Variants in EPS8L3 observed in about 807,000 individuals in gnomAD.
EPS8L3 encodes the protein epidermal growth factor receptor kinase substrate 8-like protein 3.
EPS8L3 carries 80 observed loss-of-function variants against 88.5 expected under a neutral mutation model. The ratio of observed to expected loss-of-function variants is 0.90; its 90% CI spans 0.75 to 1.09. EPS8L3 has a LOEUF of 1.09. Ranked by LOEUF, EPS8L3 falls within the 50% of genes least tolerant of loss-of-function variation. The pLI is 0.00. For missense variants in EPS8L3, 721 were observed against 735.2 expected (o/e 0.98, Z 0.22); for synonymous variants, 286 against 291.0 (o/e 0.98, Z 0.18).
In EPS8L3 at chr1:109,752,084, C is replaced by T; in HGVS notation, c.1345G>A (p.Ala449Thr). 2 of 1,614,090 alleles carry T rather than the reference C, an allele frequency of 1.2e-6. No individual in the cohort carries two copies. The highest frequency in any genetic ancestry group is 1.7e-6 in the Non-Finnish European group (2 of 1,180,016). The change falls in exon 15 of 19, where the codon GCC becomes ACC. Residue 449 changes from alanine to threonine, a missense_variant. Ala to Thr is a moderately conservative substitution (Grantham distance 58, BLOSUM62 0). Coordinates refer to ENST00000361965, the MANE Select transcript of EPS8L3 (RefSeq NM_133181.4). ...ACTTGCATTTTCAGGGCTGGCTGGG[C>T]AGGTTTGGGGCTGGAGGGCCTGGAG... Reference protein sequence around the residue: ...PNSRPSSPKPAQPALKMQVLY... With the variant: ...PNSRPSSPKPTQPALKMQVLY...
At chr1:109,761,681 G>T (rs774656911) in intron 2 of EPS8L3, 38 bp downstream of exon 2, 2 of 1,613,404 alleles carry the variant, frequency 1.2e-6, no homozygotes, top group South Asian at 2.2e-5. Context: ...TGGGGGCTCA[G>T]TGGGAGGGCA....
At chr1:109,756,302 G>A (rs1411121889) in intron 12 of EPS8L3, among the ~76,000 whole-genome samples, 2 of 152,180 alleles carry the variant, frequency 1.3e-5, no homozygotes, top group Admixed American at 6.5e-5. Context: ...GCAGTGGGGC[G>A]ATCTCAGCTC....
intron 15 of EPS8L3, 82 bp from the exon 16 acceptor site, chr1:109,751,864 T>A (rs555425507): frequency 6.3e-7 from 1 of 1,592,486 alleles, no homozygotes; most frequent in Non-Finnish European, 8.6e-7. Context: ...TCCCTCCAGC[T>A]CTTTCCTACC....
In EPS8L3 at chr1:109,759,378, C is replaced by A; in HGVS notation, c.265G>T (p.Asp89Tyr). 6.2e-7 allele frequency: 1 copy of A among 1,613,836 alleles called. No individual in the cohort carries two copies. The highest frequency in any genetic ancestry group is 1.1e-5 in the South Asian group (1 of 91,030). The change falls in exon 5 of 19, where the codon GAC (aspartate) becomes TAC (tyrosine). Residue 89 changes from aspartate (D) to tyrosine (Y), a missense_variant. Physicochemically the swap from Asp to Tyr is radical, Grantham distance 160. Coordinates refer to ENST00000361965, the MANE Select transcript of EPS8L3 (RefSeq NM_133181.4). This position sits in a 1 kb window ranked among gnomAD's most constrained non-coding sequence, Gnocchi z 4.2. ...TGGATGCTGTCTAGGCGGTAAGAGTCCAGCTCCTCCTGGGCCAGGTGGAGA... is the reference window on the plus strand; with the variant it reads ...TGGATGCTGTCTAGGCGGTAAGAGTACAGCTCCTCCTGGGCCAGGTGGAGA... Reference protein sequence around the residue: ...LLDIETKEELDSYRLDSIQAM... With the variant: ...LLDIETKEELYSYRLDSIQAM...
rs1379858273 is a variant in EPS8L3, at chr1:109,751,693, C to CTG, written c.1522_1523dup (p.Gln508HisfsTer42). On this transcript the variant is annotated frameshift_variant, in exon 16 of 19. Coordinates refer to ENST00000361965, the MANE Select transcript of EPS8L3 (RefSeq NM_133181.4). LOFTEE classifies it high-confidence loss of function. ...GGCCCTGGGTCCCAGGGGTCCCCGG[C>CTG]TGTAGGGGCTCCAGGATGTTGCTTG... 1.4e-5 allele frequency: 22 copies of CTG among 1,614,012 alleles called. No homozygotes were observed. Among genetic ancestry groups the CTG allele is most frequent in the Non-Finnish European group, 1.9e-5 (22 of 1,179,984 alleles).
At position 109,757,565 on chromosome 1, in the gene EPS8L3, C is replaced by T; in HGVS notation, c.895-10G>A. The T allele has an allele frequency of 6.2e-7, 1 of 1,612,132 alleles. No individual in the cohort carries two copies. Among genetic ancestry groups the T allele is most frequent in the Non-Finnish European group, 8.5e-7 (1 of 1,178,580 alleles). On this transcript the variant is annotated splice_polypyrimidine_tract_variant and intron_variant, in intron 10 of 18. Transcript: ENST00000361965. Reference sequence around the variant, plus strand: ...AGGTGGCCAGCCTTCCCTGGGGACACAGAGCAATGCCTGTCACCACCCTTC... The same window carrying T: ...AGGTGGCCAGCCTTCCCTGGGGACATAGAGCAATGCCTGTCACCACCCTTC...
chr1:109,752,728 G>A lies in EPS8L3; in HGVS notation c.1201-8C>T, dbSNP rs1454971877. On this transcript the variant is annotated splice_region_variant and splice_polypyrimidine_tract_variant and intron_variant, in intron 13 of 18. Transcript: ENST00000361965. The stretch of plus-strand genomic sequence containing the variant: ...CTGGTATCCTAAGGGTGCCTGTAAG[G>A]GACAGAACAGAGAGTGAGTAAGAGC... 6.4e-7 allele frequency: 1 copy of A among 1,551,808 alleles called. No individual in the cohort carries two copies. Among genetic ancestry groups the A allele is most frequent in the East Asian group, 2.4e-5 (1 of 41,032 alleles).
chr1:109,760,196 C>G (rs1002214827), intron 3 of EPS8L3, among the ~76,000 whole-genome samples: 1 of 152,134 alleles, frequency 6.6e-6, no homozygotes, highest in Non-Finnish European at 1.5e-5. Context: ...ATACAGGACC[C>G]TCAGATTCTG....
rs1038346077 is a variant in EPS8L3, at chr1:109,750,090, A to G, written c.*301T>C. On this transcript the variant is annotated 3_prime_UTR_variant, in exon 19 of 19. Transcript: ENST00000361965. Reference sequence around the variant, plus strand: ...CGAGGGAGGCACATGACAAGCTTGAAGATGCTTTTATTGAGAAGGAGAGGG... The same window carrying G: ...CGAGGGAGGCACATGACAAGCTTGAGGATGCTTTTATTGAGAAGGAGAGGG... 4.4e-6 allele frequency: 2 copies of G among 449,776 alleles called. No homozygotes were observed. The highest frequency in any genetic ancestry group is 8.0e-6 in the Non-Finnish European group (2 of 251,410). 27.9% of individuals were successfully genotyped at this position (449,776 alleles called of 1,614,324 possible). A position where few individuals can be genotyped will look rare whatever the true frequency, so the allele number is the denominator to read the frequency against.
intron 16 of EPS8L3, 141 bp from the exon 17 acceptor site, chr1:109,751,492 C>T (rs1649788114): frequency 1.5e-6 from 2 of 1,365,058 alleles, no homozygotes; most frequent in Admixed American, 1.8e-5. Context: ...GGGAGCTGGT[C>T]TTGTTCTCTG....
rs1649803244 is a variant in EPS8L3, at chr1:109,751,675, G to A, written c.1542C>T (p.Thr514=). The change falls in exon 16 of 19, where the codon ACC becomes ACT. Residue 514 remains threonine (T), a synonymous_variant. Coordinates refer to ENST00000361965, the MANE Select transcript of EPS8L3 (RefSeq NM_133181.4). Reference sequence around the variant, plus strand: ...GTACCCGAGAGGGTGACTGGCCCTGGGTCCCAGGGGTCCCCGGCTGTAGGG... The same window carrying A: ...GTACCCGAGAGGGTGACTGGCCCTGAGTCCCAGGGGTCCCCGGCTGTAGGG... The part of the protein sequence containing the change: ...LEPLQPGTPG[T]QGQSPSRVPM... 1 of 1,613,976 alleles carries A rather than the reference G, an allele frequency of 6.2e-7. No individual in the cohort carries two copies. Among genetic ancestry groups the A allele is most frequent in the African/African-American group, 1.3e-5 (1 of 74,966 alleles).
intron 11 of EPS8L3, 34 bp downstream of exon 11, chr1:109,757,447 T>A: frequency 1.3e-6 from 2 of 1,595,454 alleles, no homozygotes; most frequent in Non-Finnish European, 1.7e-6. Context: ...CTTCAGCCTG[T>A]CCGTCTTCAC....
intron 15 of EPS8L3, 35 bp from the exon 16 acceptor site, chr1:109,751,817 C>G: frequency 6.2e-7 from 1 of 1,610,218 alleles, no homozygotes; most frequent in Non-Finnish European, 8.5e-7. Context: ...CCCTGAGCCT[C>G]TTTCCAGCCA....
chr1:109,751,473 G>C (rs1047632942), intron 16 of EPS8L3, 122 bp from the exon 17 acceptor site: 23 of 1,351,644 alleles, frequency 1.7e-5, no homozygotes, highest in South Asian at 2.5e-5. Flanking sequence ...GTGGCTTTCT[G>C]GTCTGGCAGG....
chr1:109,750,171 T>A lies in EPS8L3; in HGVS notation c.*220A>T. The A allele has an allele frequency of 3.4e-6, 2 of 596,996 alleles. No homozygotes were observed. The highest frequency in any genetic ancestry group is 2.1e-5 in the South Asian group (1 of 46,658). 37.0% of individuals were successfully genotyped at this position (596,996 alleles called of 1,614,324 possible). A position where few individuals can be genotyped will look rare whatever the true frequency, so the allele number is the denominator to read the frequency against. ...AAATGCTCCAGGTTTGGGAAAGAGGTAAAATAAATAGGTGGTTACTGGGGA... is the reference window on the plus strand; with the variant it reads ...AAATGCTCCAGGTTTGGGAAAGAGGAAAAATAAATAGGTGGTTACTGGGGA... On this transcript the variant is annotated 3_prime_UTR_variant, in exon 19 of 19. Coordinates refer to ENST00000361965, the MANE Select transcript of EPS8L3 (RefSeq NM_133181.4).
At position 109,751,729 on chromosome 1, in the gene EPS8L3, G is replaced by T; in HGVS notation, c.1488C>A (p.Ser496Arg). The T allele has an allele frequency of 6.2e-7, 1 of 1,613,676 alleles. No individual in the cohort carries two copies. Among genetic ancestry groups the T allele is most frequent in the Non-Finnish European group, 8.5e-7 (1 of 1,179,966 alleles). Reference protein sequence around the residue: ...WWLVKNEAGRSGYIPSNILEP... With the variant: ...WWLVKNEAGRRGYIPSNILEP... ...CCAGGATGTTGCTTGGAATGTAGCCGCTCCGTCCCGCCTCATTCTTCACCA... is the reference window on the plus strand; with the variant it reads ...CCAGGATGTTGCTTGGAATGTAGCCTCTCCGTCCCGCCTCATTCTTCACCA... The change falls in exon 16 of 19, where the codon AGC becomes AGA. Residue 496 changes from serine (S) to arginine (R), a missense_variant. Ser to Arg is a moderately radical substitution (Grantham distance 110). Transcript: ENST00000361965.
At chr1:109,753,055 G>A in intron 13 of EPS8L3, 62 bp downstream of exon 13, 1 of 1,420,550 alleles carries the variant, frequency 7.0e-7, no homozygotes, top group African/African-American at 1.4e-5. Context: ...TTTGGATGGG[G>A]AGGGCAGAAA....
intron 8 of EPS8L3, 50 bp from the exon 9 acceptor site, chr1:109,758,108 G>A (rs1288623103): frequency 1.3e-6 from 2 of 1,531,590 alleles, no homozygotes; most frequent in Non-Finnish European, 9.0e-7. Flanking sequence ...GGCCCACCCT[G>A]GAACTCCCCA....
Position 109,759,408 on chromosome 1 carries a change from A to C in EPS8L3, c.256-21T>G. 1 of 1,611,020 alleles carries C rather than the reference A, an allele frequency of 6.2e-7. No homozygotes were observed. Among genetic ancestry groups the C allele is most frequent in the Non-Finnish European group, 8.5e-7 (1 of 1,178,430 alleles). ...TCCTCCTGGGCCAGGTGGAGAGGTC[A>C]ACTGTGAGGCCACCAGAGCTAGGTG... On this transcript the variant is annotated intron_variant, in intron 4 of 18. Transcript: ENST00000361965. The surrounding 1 kb of genome is among the most constrained non-coding windows in gnomAD (Gnocchi z 4.2).
Sources: gnomAD v4.1 joint callset for allele counts (sites outside exome capture counted in the v4.1 genomes callset) on GRCh38, gnomAD v4.1.1 for gene constraint, Gnocchi (gnomAD v3.1) non-coding constraint, MANE v1.5 for transcripts, NCBI Gene and HGNC (gene_info 2026-07-23, HGNC 2026-07-21) for gene names.